PDHX: variants seen among roughly 807,000 people sequenced by gnomAD.
PDHX encodes pyruvate dehydrogenase protein X component, mitochondrial.
In PDHX, 33 loss-of-function variants were observed where a neutral mutation model predicts 55.3. The ratio of observed to expected loss-of-function variants is 0.60; its 90% confidence interval spans 0.45 to 0.80. PDHX has a LOEUF of 0.80. PDHX is among the 30% of genes least tolerant of loss of function. The pLI is 0.00. For missense variants in PDHX, 622 were observed against 619.9 expected (o/e 1.00, Z -0.04); for synonymous variants, 226 against 219.4 (o/e 1.03, Z -0.27).
In PDHX at chr11:34,947,540, A is replaced by C; in HGVS notation, c.276A>C (p.Glu92Asp). ...TGAGTGCTGGAGATGCATTATGTGA[A>C]ATTGAGACTGACAAAGCTGTGGTTA... is the stretch of plus-strand genomic sequence containing the variant. ...EAVSAGDALCEIETDKAVVTL... is the reference protein window; with the variant it reads ...EAVSAGDALCDIETDKAVVTL... The change falls in exon 3 of 11, where the codon GAA (glutamate) becomes GAC (aspartate). Residue 92 changes from glutamate (E) to aspartate (D), a missense_variant. By Grantham distance (45) the Glu-to-Asp change is conservative (BLOSUM62 2). Transcript: ENST00000227868. 6.2e-7 allele frequency: 1 copy of C among 1,613,606 alleles called. No individual in the cohort carries two copies. The highest frequency in any genetic ancestry group is 8.5e-7 in the Non-Finnish European group (1 of 1,179,612).
At chr11:34,934,571 A>ATTTTTTTT (rs35227178) in intron 2 of PDHX, among the ~76,000 whole-genome samples, 5 of 92,412 alleles carry the variant, frequency 5.4e-5, no homozygotes, top group South Asian at 3.9e-4. Context: ...GATATTATGG[A>ATTTTTTTT]TTTTTTTTTT....
intron 2 of PDHX, among the ~76,000 whole-genome samples, chr11:34,937,787 A>T (rs1854370044): frequency 6.6e-6 from 1 of 152,214 alleles, no homozygotes; most frequent in South Asian, 2.1e-4. Flanking sequence ...ATAGAAGTGA[A>T]GTTGTCCTGG....
intron 9 of PDHX, among the ~76,000 whole-genome samples, chr11:34,985,321 A>T (rs1855617210): frequency 6.6e-6 from 1 of 152,088 alleles, no homozygotes; most frequent in Non-Finnish European, 1.5e-5. Context: ...CGTGCCTGTA[A>T]TTCCAGCTAC....
rs777915154 is a variant in PDHX at position 34,966,697 on chromosome 11, A to G, written c.699A>G (p.Pro233=). The change falls in exon 6 of 11, where the codon CCA becomes CCG. Residue 233 remains proline, a synonymous_variant. Transcript: ENST00000227868. ...KQTGKITESR[P]TPAPTATPTA... ...CGGGCAAGATTACCGAGTCCAGACC[A>G]ACTCCAGCCCCCACAGCCACTCCCA... 3.0e-5 allele frequency: 49 copies of G among 1,614,002 alleles called. No individual in the cohort carries two copies. The Middle Eastern group carries it at 4.9e-4, about 16-fold the overall frequency.
At chr11:34,925,865 A>G (rs541209596) in intron 1 of PDHX, among the ~76,000 whole-genome samples, 1 of 152,220 alleles carries the variant, frequency 6.6e-6, no homozygotes, top group Non-Finnish European at 1.5e-5. Flanking sequence ...CTTTGAGATT[A>G]GGGATGCTCA....
In PDHX at chr11:34,916,829, G is replaced by A; in HGVS notation, c.160+14G>A. 6.4e-7 allele frequency: 1 copy of A among 1,556,418 alleles called. No individual in the cohort carries two copies. The highest frequency in any genetic ancestry group is 8.7e-7 in the Non-Finnish European group (1 of 1,149,922). On this transcript the variant is annotated intron_variant, in intron 1 of 10. Coordinates refer to ENST00000227868, the MANE Select transcript of PDHX (RefSeq NM_003477.3). ...AGTGGCTTCGGGGTGAGTGGCCGGG[G>A]CTCGCTCAGCTTCTCTGTGTAGCTG...
Position 34,916,733 on chromosome 11 carries a change from A to G in PDHX, c.78A>G (p.Val26=). The G allele has an allele frequency of 6.2e-7, 1 of 1,613,436 alleles. No individual in the cohort carries two copies. Among genetic ancestry groups the G allele is most frequent in the Non-Finnish European group, 8.5e-7 (1 of 1,179,878 alleles). Residue 26 remains valine, a synonymous_variant, in exon 1 of 11, where the codon GTA becomes GTG. Coordinates refer to ENST00000227868, the MANE Select transcript of PDHX (RefSeq NM_003477.3). ...YLVGFPGRRS[V]GLVKGALGWS... ...TGGGCTTCCCCGGCCGCCGAAGCGT[A>G]GGGCTGGTGAAGGGGGCTCTTGGGT... is the stretch of plus-strand genomic sequence containing the variant.
chr11:34,980,352 C>CTTTTTTGTTTTTTTTTTT (rs1855482014), intron 8 of PDHX, among the ~76,000 whole-genome samples: 1 of 74,822 alleles, frequency 1.3e-5, no homozygotes, highest in African/African-American at 5.0e-5. Flanking sequence ...AAGATAGTTT[C>CTTTTTTGTTTTTTTTTTT]TTTTTTTTTT....
At chr11:34,916,914 G>A (rs954229387) in intron 1 of PDHX, 99 bp downstream of exon 1, 3 of 1,178,586 alleles carry the variant, frequency 2.5e-6, no homozygotes, top group South Asian at 1.3e-5. Flanking sequence ...GTGTGAAGGT[G>A]CGCGGGCTCC....
intron 1 of PDHX, among the ~76,000 whole-genome samples, chr11:34,917,803 T>C (rs1853772255): frequency 6.6e-6 from 1 of 152,216 alleles, no homozygotes; most frequent in Non-Finnish European, 1.5e-5. Context: ...ACATATTCCT[T>C]GGAGCAGAGG....
intron 7 of PDHX, among the ~76,000 whole-genome samples, chr11:34,974,976 G>T (rs918360217): frequency 5.3e-5 from 8 of 152,070 alleles, no homozygotes; most frequent in South Asian, 2.1e-4. Context: ...TTATTTTCTG[G>T]TTTTTGATAG....
intron 8 of PDHX, 114 bp from the exon 9 acceptor site, chr11:34,984,451 ATTTAT>A (rs1473642325): frequency 1.2e-6 from 1 of 812,328 alleles, no homozygotes; most frequent in African/African-American, 1.7e-5. Flanking sequence ...CGAAATTTTT[ATTTAT>A]TTTCTCTTAT....
At chr11:34,950,587 C>T (rs1037104588) in intron 3 of PDHX, among the ~76,000 whole-genome samples, 1 of 148,820 alleles carries the variant, frequency 6.7e-6, no homozygotes, top group African/African-American at 2.5e-5. Flanking sequence ...CATGTGTTCT[C>T]ATTGTTCAAT....
rs766019303 is a variant in PDHX, at chr11:34,994,944, C to T, written c.1278C>T (p.Asp426=). 5.0e-6 allele frequency: 8 copies of T among 1,613,784 alleles called. No homozygotes were observed. Among genetic ancestry groups the T allele is most frequent in the African/African-American group, 2.7e-5 (2 of 74,872 alleles). The change falls in exon 11 of 11, where the codon GAC becomes GAT. Residue 426 remains aspartate (D), a synonymous_variant. Coordinates refer to ENST00000227868, the MANE Select transcript of PDHX (RefSeq NM_003477.3). The part of the protein sequence containing the change: ...SISNLGMFGI[D]EFTAVINPPQ... The stretch of plus-strand genomic sequence containing the variant: ...CCAACTTGGGGATGTTTGGCATCGA[C>T]GAATTTACTGCAGTGATTAACCCTC...
intron 7 of PDHX, among the ~76,000 whole-genome samples, chr11:34,971,093 A>T (rs1385251061): frequency 2.0e-5 from 3 of 152,128 alleles, no homozygotes; most frequent in African/African-American, 7.2e-5. Flanking sequence ...ACTTTTAAGG[A>T]TGTTTTAGAT....
At chr11:34,982,225 G>T (rs1330349655) in intron 8 of PDHX, among the ~76,000 whole-genome samples, 1 of 152,172 alleles carries the variant, frequency 6.6e-6, no homozygotes. Context: ...CATATGGCTA[G>T]CCAGTTTTCC....
In PDHX at chr11:34,992,302, G is replaced by T; in HGVS notation, c.1183-13G>T. ...TTTTGTTGGTTGTCCTATTCTGTTT[G>T]TATTTTTCTCAGGCTCTATCAAAGA... On this transcript the variant is annotated splice_polypyrimidine_tract_variant and intron_variant, in intron 9 of 10. Transcript: ENST00000227868. 1 of 1,545,412 alleles carries T rather than the reference G, an allele frequency of 6.5e-7. No individual in the cohort carries two copies. The highest frequency in any genetic ancestry group is 8.9e-7 in the Non-Finnish European group (1 of 1,118,370).
At chr11:34,987,791 C>G (rs1157109478) in intron 9 of PDHX, among the ~76,000 whole-genome samples, 2 of 151,710 alleles carry the variant, frequency 1.3e-5, no homozygotes, top group African/African-American at 4.8e-5. Context: ...GATTTTGACT[C>G]AATTCCAAGT....
intron 1 of PDHX, among the ~76,000 whole-genome samples, chr11:34,923,579 C>G (rs1317885890): frequency 6.6e-6 from 1 of 152,036 alleles, no homozygotes; most frequent in Non-Finnish European, 1.5e-5. Context: ...TAATAGCCAT[C>G]CTAATAGATA....
Sources: allele counts gnomAD v4.1 joint callset (sites outside exome capture counted in the v4.1 genomes callset), GRCh38; gene constraint gnomAD v4.1.1; transcripts MANE v1.5; gene names NCBI Gene and HGNC (gene_info 2026-07-23, HGNC 2026-07-21).